GREM2: variants seen among roughly 807,000 people sequenced by gnomAD.
GREM2 encodes the protein gremlin 2, DAN family BMP antagonist, also known as gremlin-2.
In GREM2, 11 loss-of-function variants were observed where a neutral mutation model predicts 14.2. The observed-to-expected ratio is 0.78, with a 90% CI of 0.49 to 1.28. The LOEUF (loss-of-function observed/expected upper bound fraction) is 1.28, where lower values mean the gene tolerates loss of function less well. Ranked by LOEUF, GREM2 falls within the 50% of genes most tolerant of loss-of-function variation. GREM2 has a pLI of 0.00. For missense variants in GREM2, 210 were observed against 218.5 expected (o/e 0.96, Z 0.24); for synonymous variants, 98 against 97.6 (o/e 1.00, Z -0.02).
At chr1:240,589,288 A>C (rs1679659470) in intron 1 of GREM2, 1 of 151,958 alleles carries the variant, frequency 6.6e-6, no homozygotes, top group Non-Finnish European at 1.5e-5. Flanking sequence ...ATACAAAATT[A>C]GCCGGGCGTG....
At chr1:240,506,657 G>T (rs1677682434) in intron 1 of GREM2, among the ~76,000 whole-genome samples, 1 of 152,230 alleles carries the variant, frequency 6.6e-6, no homozygotes, top group Non-Finnish European at 1.5e-5. Flanking sequence ...CATTTATGAG[G>T]CTATGCTAGG....
chr1:240,515,100 G>C (rs550656644), intron 1 of GREM2, among the ~76,000 whole-genome samples: 1 of 152,210 alleles, frequency 6.6e-6, no homozygotes, highest in African/African-American at 2.4e-5. Context: ...ACTTTCTGGA[G>C]ATTTTACAAA....
intron 1 of GREM2, among the ~76,000 whole-genome samples, chr1:240,537,793 C>CAAAT (rs1678505495): frequency 1.3e-5 from 2 of 151,902 alleles, no homozygotes; most frequent in Admixed American, 1.3e-4. Flanking sequence ...CAAAAACAAA[C>CAAAT]AAACAAACAA....
intron 1 of GREM2, among the ~76,000 whole-genome samples, chr1:240,544,048 C>T (rs184053770): frequency 2.1e-4 from 32 of 151,834 alleles, no homozygotes; most frequent in African/African-American, 6.3e-4. Context: ...TGAATCCACA[C>T]GAATGAAGTG....
chr1:240,533,267 A>G (rs1200658672), intron 1 of GREM2, among the ~76,000 whole-genome samples: 1 of 152,176 alleles, frequency 6.6e-6, no homozygotes, highest in Non-Finnish European at 1.5e-5. Context: ...GAAATGAGCT[A>G]GCTGTGAAAA....
chr1:240,606,068 C>T (rs1399396692), intron 1 of GREM2, among the ~76,000 whole-genome samples: 2 of 152,106 alleles, frequency 1.3e-5, no homozygotes, highest in East Asian at 3.9e-4. Flanking sequence ...TTTGTTTAGC[C>T]TATGGTAGAT....
intron 1 of GREM2, among the ~76,000 whole-genome samples, chr1:240,596,317 C>A (rs1399320415): frequency 6.6e-6 from 1 of 152,082 alleles, no homozygotes; most frequent in African/African-American, 2.4e-5. Flanking sequence ...TAAGGAAATG[C>A]GAAACTATAG....
chr1:240,517,883 G>T (rs1207346997), intron 1 of GREM2, among the ~76,000 whole-genome samples: 3 of 152,264 alleles, frequency 2.0e-5, no homozygotes, highest in African/African-American at 7.2e-5. Flanking sequence ...TTATCATCTA[G>T]TCAAGAGAAA....
intron 1 of GREM2, among the ~76,000 whole-genome samples, chr1:240,595,581 G>A (rs1312678419): frequency 6.6e-6 from 1 of 152,158 alleles, no homozygotes; most frequent in East Asian, 1.9e-4. Context: ...GGAATTTCAG[G>A]GGGAAGAAAA....
chr1:240,497,208 C>G (rs1246342426), intron 1 of GREM2, among the ~76,000 whole-genome samples: 1 of 152,148 alleles, frequency 6.6e-6, no homozygotes, highest in Admixed American at 6.5e-5. Context: ...TGGTACTTTA[C>G]AGTGCACATT....
At chr1:240,509,000 T>G (rs11807695) in intron 1 of GREM2, among the ~76,000 whole-genome samples, 22,806 of 152,260 alleles carry the variant, frequency 0.15, 2,032 homozygotes, top group African/African-American at 0.25. Context: ...CAGAGACTAA[T>G]GCAGTGATAC....
chr1:240,502,272 T>C (rs1279915332), intron 1 of GREM2, among the ~76,000 whole-genome samples: 1 of 152,222 alleles, frequency 6.6e-6, no homozygotes, highest in Admixed American at 6.5e-5. Flanking sequence ...TCATTATACT[T>C]GCTGTATGTT....
At chr1:240,512,847 A>T (rs1421355869) in intron 1 of GREM2, among the ~76,000 whole-genome samples, 1 of 152,120 alleles carries the variant, frequency 6.6e-6, no homozygotes, top group Non-Finnish European at 1.5e-5. Context: ...TATAATCCCA[A>T]TTCCTGTTCC....
chr1:240,531,390 C>A (rs147872157), intron 1 of GREM2, among the ~76,000 whole-genome samples: 2,240 of 152,320 alleles, frequency 0.015, 41 homozygotes, highest in Non-Finnish European at 0.017. Flanking sequence ...ACAAGCTAGA[C>A]AGAAACGTTG....
chr1:240,514,251 A>C (rs1435529050), intron 1 of GREM2, among the ~76,000 whole-genome samples: 3 of 86,896 alleles, frequency 3.5e-5, no homozygotes, highest in Non-Finnish European at 8.2e-5. Context: ...CCATCTCAAA[A>C]AAAAAAAAAA....
intron 1 of GREM2, among the ~76,000 whole-genome samples, chr1:240,495,050 A>G (rs1371354609): frequency 6.6e-6 from 1 of 152,286 alleles, no homozygotes; most frequent in East Asian, 1.9e-4. Context: ...TTCTCATGCT[A>G]TCTAAAACGT....
intron 1 of GREM2, among the ~76,000 whole-genome samples, chr1:240,563,277 C>T (rs1011188451): frequency 2.0e-5 from 3 of 152,014 alleles, no homozygotes; most frequent in Middle Eastern, 3.4e-3. Flanking sequence ...AATTTAGTGT[C>T]TCTTTACAAA....
intron 1 of GREM2, among the ~76,000 whole-genome samples, chr1:240,532,218 G>C (rs528114770): frequency 8.5e-4 from 129 of 152,046 alleles, no homozygotes; most frequent in African/African-American, 2.8e-3. Context: ...CGAATAGCTG[G>C]GATTATAGGT....
At chr1:240,609,434 C>T (rs79633057) in intron 1 of GREM2, among the ~76,000 whole-genome samples, 2,069 of 151,970 alleles carry the variant, frequency 0.014, 38 homozygotes, top group East Asian at 0.07. Flanking sequence ...GCCTATTATA[C>T]CTAATATTAT....
Sources: gnomAD v4.1 joint callset for allele counts (sites outside exome capture counted in the v4.1 genomes callset) on GRCh38, gnomAD v4.1.1 for gene constraint, MANE v1.5 for transcripts, NCBI Gene and HGNC (gene_info 2026-07-23, HGNC 2026-07-21) for gene names.